TTLL5: variants seen among roughly 807,000 people sequenced by gnomAD.
TTLL5 encodes the protein tubulin tyrosine ligase like 5, also known as tubulin polyglutamylase TTLL5.
Under a neutral mutation model 168.4 loss-of-function variants are expected in TTLL5, and 132 were observed. That is an observed-to-expected ratio of 0.78 (90% CI 0.68 to 0.91). The LOEUF (loss-of-function observed/expected upper bound fraction) is 0.91. Ranked by LOEUF, TTLL5 falls within the 40% of genes least tolerant of loss-of-function variation. The pLI is 0.00. For missense variants in TTLL5, 1,545 were observed against 1,581.5 expected (o/e 0.98, Z 0.39); for synonymous variants, 546 against 558.6 (o/e 0.98, Z 0.32).
chr14:75,895,952 G>A (rs1272721955), intron 30 of TTLL5, among the ~76,000 whole-genome samples: 3 of 152,076 alleles, frequency 2.0e-5, no homozygotes, highest in Non-Finnish European at 2.9e-5. Context: ...CCTCTGGAAA[G>A]ACTAATGAAT....
chr14:75,776,849 AG>A lies in TTLL5; in HGVS notation c.2387+1del. 6.2e-7 allele frequency: 1 copy of A among 1,609,832 alleles called. No individual in the cohort carries two copies. Among genetic ancestry groups the A allele is most frequent in the Non-Finnish European group, 8.5e-7 (1 of 1,176,418 alleles). On this transcript the variant is annotated frameshift_variant and splice_region_variant, in exon 23 of 32. Coordinates refer to ENST00000298832, the MANE Select transcript of TTLL5 (RefSeq NM_015072.5). LOFTEE classifies it high-confidence loss of function. The part of the protein sequence containing the change: ...ENFQEFIRQA[S>X]EAELEEVLTF... ...CTTTCAGGAGTTCATCAGACAAGCA[AG>A]GTAGTAGACATTCTTGATTGATAAA...
intron 15 of TTLL5, among the ~76,000 whole-genome samples, chr14:75,738,032 T>C (rs1594948940): frequency 6.6e-6 from 1 of 152,324 alleles, no homozygotes; most frequent in African/African-American, 2.4e-5. Context: ...AGGGTTGTAT[T>C]TGAGTTCCTT....
chr14:75,767,634 A>G (rs1193557277), intron 20 of TTLL5, among the ~76,000 whole-genome samples: 3 of 152,194 alleles, frequency 2.0e-5, no homozygotes, highest in African/African-American at 7.2e-5. Context: ...AGACTAAAAA[A>G]TTGGATGTTG....
At chr14:75,702,223 C>T (rs953738475) in intron 7 of TTLL5, among the ~76,000 whole-genome samples, 17 of 152,230 alleles carry the variant, frequency 1.1e-4, no homozygotes, top group African/African-American at 3.9e-4. Flanking sequence ...ACTCTGGAGG[C>T]CTTTTACCCT....
intron 18 of TTLL5, chr14:75,757,968 G>A: frequency 2.5e-6 from 3 of 1,221,648 alleles, no homozygotes; most frequent in Non-Finnish European, 3.2e-6. Flanking sequence ...TTTTAGTTTG[G>A]TTCAGCTTGA....
intron 12 of TTLL5, among the ~76,000 whole-genome samples, chr14:75,722,009 T>C (rs1200285339): frequency 6.6e-6 from 1 of 152,218 alleles, no homozygotes; most frequent in African/African-American, 2.4e-5. Context: ...AATTGTATAA[T>C]AGAAACTTGA....
At chr14:75,931,869 A>G (rs1411136693) in intron 31 of TTLL5, among the ~76,000 whole-genome samples, 1 of 152,172 alleles carries the variant, frequency 6.6e-6, no homozygotes, top group Non-Finnish European at 1.5e-5. Flanking sequence ...CTTCCATTGT[A>G]ACAGAATTTG....
chr14:75,925,111 G>A (rs566526415), intron 31 of TTLL5, among the ~76,000 whole-genome samples: 3,137 of 145,874 alleles, frequency 0.022, 152 homozygotes, highest in African/African-American at 0.04. Context: ...CCTCCCTCCC[G>A]GACGGGGCGG....
chr14:75,763,253 C>CTGTGTGTGTGTGTGTGTGTGTGTGTGTG (rs202149877), intron 18 of TTLL5, among the ~76,000 whole-genome samples: 17 of 145,398 alleles, frequency 1.2e-4, no homozygotes, highest in African/African-American at 4.1e-4. Flanking sequence ...ATAGCTCTCT[C>CTGTGTGTGTGTGTGTGTGTGTGTGTGTG]TCTGTGTGTG....
At chr14:75,897,045 T>A (rs1398992472) in intron 30 of TTLL5, among the ~76,000 whole-genome samples, 1 of 152,212 alleles carries the variant, frequency 6.6e-6, no homozygotes, top group African/African-American at 2.4e-5. Flanking sequence ...CCCTATAAGA[T>A]GAAATACAGG....
chr14:75,797,957 T>G (rs927332551), intron 27 of TTLL5, among the ~76,000 whole-genome samples: 1 of 152,142 alleles, frequency 6.6e-6, no homozygotes, highest in Non-Finnish European at 1.5e-5. Flanking sequence ...GTTACTGGCT[T>G]TATAGAATTA....
chr14:75,767,654 G>C (rs942659613), intron 20 of TTLL5, among the ~76,000 whole-genome samples: 2 of 152,222 alleles, frequency 1.3e-5, no homozygotes, highest in African/African-American at 4.8e-5. Context: ...GTTAGATTGT[G>C]AAGGGCCGTA....
At chr14:75,880,440 TAAC>T (rs2031746036) in intron 29 of TTLL5, among the ~76,000 whole-genome samples, 1 of 152,208 alleles carries the variant, frequency 6.6e-6, no homozygotes, top group Non-Finnish European at 1.5e-5. Context: ...AGCTCTTAAC[TAAC>T]AACATTTTAT....
chr14:75,683,981 C>A, intron 5 of TTLL5: 1 of 253,186 alleles, frequency 3.9e-6, no homozygotes, highest in Non-Finnish European at 7.9e-6. Context: ...GCCATGTAGG[C>A]CAGGCTGGTC....
At chr14:75,706,682 T>G (rs1886679613) in intron 7 of TTLL5, among the ~76,000 whole-genome samples, 1 of 152,156 alleles carries the variant, frequency 6.6e-6, no homozygotes, top group Non-Finnish European at 1.5e-5. Context: ...ATTTTTAAAG[T>G]GGCTCTTATT....
chr14:75,893,445 A>G (rs2032500513), intron 30 of TTLL5, among the ~76,000 whole-genome samples: 1 of 152,252 alleles, frequency 6.6e-6, no homozygotes, highest in African/African-American at 2.4e-5. Flanking sequence ...AATGAGTGCT[A>G]GAAAACAGTA....
chr14:75,833,111 C>T (rs1013126931), intron 28 of TTLL5, among the ~76,000 whole-genome samples: 1 of 152,226 alleles, frequency 6.6e-6, no homozygotes, highest in Non-Finnish European at 1.5e-5. Flanking sequence ...ATGCCCTTAT[C>T]AGCACCTCTC....
At chr14:75,781,811 C>T (rs149282324) in intron 24 of TTLL5, among the ~76,000 whole-genome samples, 4 of 152,044 alleles carry the variant, frequency 2.6e-5, no homozygotes, top group African/African-American at 7.2e-5. Flanking sequence ...AAAAATTAGC[C>T]GGGTGTGGTG....
At chr14:75,746,653 C>G (rs1001391770) in intron 17 of TTLL5, among the ~76,000 whole-genome samples, 5 of 150,610 alleles carry the variant, frequency 3.3e-5, no homozygotes, top group Non-Finnish European at 7.4e-5. Context: ...GCTTCCTGGG[C>G]TCCACTTCAA....
Sources: gnomAD v4.1 joint callset for allele counts (sites outside exome capture counted in the v4.1 genomes callset) on GRCh38, gnomAD v4.1.1 for gene constraint, MANE v1.5 for transcripts, NCBI Gene and HGNC (gene_info 2026-07-23, HGNC 2026-07-21) for gene names.